SNTG1: variants seen among roughly 807,000 people sequenced by gnomAD.
The protein encoded by SNTG1 is gamma-1-syntrophin.
Under a neutral mutation model 74.7 loss-of-function variants are expected in SNTG1, and 39 were observed. The ratio of observed to expected loss-of-function variants is 0.52; its 90% CI spans 0.40 to 0.68. The LOEUF is 0.68. Among genes scored for constraint, SNTG1 ranks in the 30% least tolerant of loss-of-function variants. SNTG1 has a pLI of 0.00. For synonymous variants in SNTG1, 254 were observed against 217.1 expected (o/e 1.17, Z -1.49); for missense variants, 685 against 609.5 (o/e 1.12, Z -1.30).
chr8:50,409,101 G>T (rs968997960), intron 4 of SNTG1, among the ~76,000 whole-genome samples: 3 of 152,152 alleles, frequency 2.0e-5, no homozygotes, highest in Non-Finnish European at 4.4e-5. Context: ...GTGGGTCTGG[G>T]AGTTTATAGT....
chr8:49,974,275 A>G (rs1253747248), intron 1 of SNTG1, among the ~76,000 whole-genome samples: 3 of 152,188 alleles, frequency 2.0e-5, no homozygotes, highest in Admixed American at 6.5e-5. Flanking sequence ...CACAGCCACA[A>G]TAATATTCCA....
chr8:50,048,804 T>G (rs1819319160), intron 1 of SNTG1, among the ~76,000 whole-genome samples: 1 of 152,164 alleles, frequency 6.6e-6, no homozygotes, highest in Non-Finnish European at 1.5e-5. Context: ...GACCTGAAAT[T>G]AGTTTAGCAT....
chr8:50,223,505 C>T (rs756074687), intron 2 of SNTG1, among the ~76,000 whole-genome samples: 6 of 151,672 alleles, frequency 4.0e-5, no homozygotes, highest in African/African-American at 1.2e-4. Flanking sequence ...ACTATTTATC[C>T]TTATTGAGTT....
At chr8:50,529,786 A>G (rs2094251268) in intron 9 of SNTG1, among the ~76,000 whole-genome samples, 2 of 152,232 alleles carry the variant, frequency 1.3e-5, no homozygotes, top group African/African-American at 4.8e-5. Flanking sequence ...TTCTAAGGGT[A>G]GGATTTACCA....
At chr8:50,654,794 A>G (rs2095170171) in intron 13 of SNTG1, among the ~76,000 whole-genome samples, 2 of 152,168 alleles carry the variant, frequency 1.3e-5, no homozygotes, top group African/African-American at 4.8e-5. Context: ...GATCATCTCA[A>G]TGGCTTAAAT....
At chr8:50,592,082 A>C (rs766550341) in intron 13 of SNTG1, among the ~76,000 whole-genome samples, 1 of 152,170 alleles carries the variant, frequency 6.6e-6, no homozygotes. Flanking sequence ...AGAACTGCAG[A>C]TAAGTGTAGT....
chr8:50,204,602 G>A lies in SNTG1; in HGVS notation c.-28+31967G>A, dbSNP rs543333131. ...TTTTTTATTATACTTCAAGTTCTAG[G>A]GTACATGTGCACAACATGCAGGTTT... On this transcript the variant is annotated intron_variant, in intron 2 of 18. Coordinates refer to ENST00000642720, the MANE Select transcript of SNTG1 (RefSeq NM_018967.5). Among the ~76,000 whole-genome samples, 3 of 151,850 alleles carry A rather than the reference G, an allele frequency of 2.0e-5. No homozygotes were observed. The South Asian group carries it at 6.3e-4, about 32-fold the overall frequency.
intron 2 of SNTG1, among the ~76,000 whole-genome samples, chr8:50,393,028 T>C (rs1226725574): frequency 2.0e-5 from 3 of 152,002 alleles, no homozygotes. Flanking sequence ...ACATCACAGT[T>C]AGAGACAAGA....
chr8:50,247,418 T>A (rs2086448974), intron 2 of SNTG1, among the ~76,000 whole-genome samples: 1 of 152,164 alleles, frequency 6.6e-6, no homozygotes, highest in Admixed American at 6.5e-5. Flanking sequence ...GAAAGCATCA[T>A]CCTTCTTAGT....
At chr8:50,743,447 G>T (rs2095548190) in intron 17 of SNTG1, among the ~76,000 whole-genome samples, 1 of 151,644 alleles carries the variant, frequency 6.6e-6, no homozygotes, top group Admixed American at 6.6e-5. Flanking sequence ...ACACTTGTCA[G>T]AACGCATCAA....
intron 5 of SNTG1, among the ~76,000 whole-genome samples, chr8:50,443,855 C>G (rs916533131): frequency 1.3e-5 from 2 of 152,216 alleles, no homozygotes; most frequent in African/African-American, 2.4e-5. Flanking sequence ...GAAATAAGAC[C>G]AGGCACGGTG....
At chr8:50,731,571 T>G (rs1381070431) in intron 17 of SNTG1, among the ~76,000 whole-genome samples, 1 of 152,038 alleles carries the variant, frequency 6.6e-6, no homozygotes, top group Non-Finnish European at 1.5e-5. Context: ...AAATAAGCCA[T>G]CCCACTCTAC....
chr8:50,714,230 T>G lies in SNTG1; in HGVS notation c.1284+5252T>G, dbSNP rs1325464200. On this transcript the variant is annotated intron_variant, in intron 17 of 18. Transcript: ENST00000642720. The stretch of plus-strand genomic sequence containing the variant: ...GGTACCAGTAACCATGCTGACTTGG[T>G]TACTGTAGCCTAGTAGTATAGTTTG... Among the ~76,000 whole-genome samples, 9 of 152,232 alleles carry G rather than the reference T, an allele frequency of 5.9e-5. No individual in the cohort carries two copies. The South Asian group carries it at 6.2e-4, about 11-fold the overall frequency.
chr8:50,296,312 A>T (rs1232462823), intron 2 of SNTG1, among the ~76,000 whole-genome samples: 2 of 152,234 alleles, frequency 1.3e-5, no homozygotes, highest in Non-Finnish European at 2.9e-5. Context: ...ACACATGCAC[A>T]TATACTTTTA....
chr8:50,723,051 T>A (rs1585639749), intron 17 of SNTG1, among the ~76,000 whole-genome samples: 1 of 152,294 alleles, frequency 6.6e-6, no homozygotes, highest in Admixed American at 6.5e-5. Flanking sequence ...CAATGTTAAA[T>A]GATTTTCTTT....
chr8:50,214,824 A>G (rs1180551567), intron 2 of SNTG1, among the ~76,000 whole-genome samples: 1 of 152,192 alleles, frequency 6.6e-6, no homozygotes, highest in Non-Finnish European at 1.5e-5. Context: ...AAAAAATTGC[A>G]AGTGAGATGG....
At chr8:50,560,635 A>C (rs1054101186) in intron 12 of SNTG1, among the ~76,000 whole-genome samples, 3 of 152,172 alleles carry the variant, frequency 2.0e-5, no homozygotes, top group African/African-American at 7.2e-5. Flanking sequence ...ATCAGACGCC[A>C]CGTCTTCTTA....
chr8:50,015,266 G>A (rs1816205591), intron 1 of SNTG1, among the ~76,000 whole-genome samples: 1 of 152,080 alleles, frequency 6.6e-6, no homozygotes, highest in Non-Finnish European at 1.5e-5. Flanking sequence ...AAATCCACCA[G>A]AGGATTTAAA....
chr8:50,466,582 G>A (rs1482984964), intron 8 of SNTG1, among the ~76,000 whole-genome samples: 1 of 151,734 alleles, frequency 6.6e-6, no homozygotes, highest in Non-Finnish European at 1.5e-5. Flanking sequence ...ATAGCTTTTT[G>A]GATTTTGATG....
Sources: gnomAD v4.1 joint callset for allele counts (sites outside exome capture counted in the v4.1 genomes callset) on GRCh38, gnomAD v4.1.1 for gene constraint, MANE v1.5 for transcripts, NCBI Gene and HGNC (gene_info 2026-07-23, HGNC 2026-07-21) for gene names.